The following SPANXN5 variants were observed in gnomAD, a reference collection of about 807,000 sequenced individuals.
SPANXN5 encodes sperm protein associated with the nucleus on the X chromosome N5.
Under a neutral mutation model 4.5 loss-of-function variants are expected in SPANXN5, and 5 were observed. The ratio of observed to expected loss-of-function variants is 1.11; its 90% CI spans 0.58 to 2.33. The LOEUF is 2.33. Ranked by LOEUF, SPANXN5 falls within the 30% of genes most tolerant of loss-of-function variation. The probability of loss-of-function intolerance (pLI) is 0.01; values close to 1 mark genes in which losing one functional copy is unlikely to be tolerated. For missense variants in SPANXN5, 41 were observed against 50.3 expected (o/e 0.82, Z 0.56); for synonymous variants, 20 against 20.4 (o/e 0.98, Z 0.05).
At chrX:52,796,779 G>C (rs1926578813) in intron 1 of SPANXN5, 148 bp from the exon 2 acceptor site, 2 of 778,603 alleles carry the variant, frequency 2.6e-6, no homozygotes, top group Admixed American at 6.1e-5. Flanking sequence ...ACAGGGTAGG[G>C]ATCTATGGGG....
In SPANXN5 at chrX:52,796,627, T is replaced by A. The variant is rs782114954; in HGVS notation, c.80A>T (p.Gln27Leu). 1.7e-6 allele frequency: 2 copies of A among 1,211,487 alleles called. No homozygotes were observed. Among genetic ancestry groups the A allele is most frequent in the Non-Finnish European group, 1.1e-6 (1 of 895,273 alleles). ...GACTAAGTCCCTGTTTGGTGTCTCC[T>A]GCATCTGTTAAGAAAACAGGGAGAG... ...CDSNSKNDEM[Q>L]ETPNRDLVLE... is the part of the protein sequence containing the mutation. Residue 27 changes from glutamine to leucine, a missense_variant, in exon 2 of 2, where the codon CAG (glutamine) becomes CTG (leucine). By Grantham distance (113) the Gln-to-Leu change is moderately radical. Coordinates refer to ENST00000375511, the MANE Select transcript of SPANXN5 (RefSeq NM_001009616.4).
intron 1 of SPANXN5, 64 bp downstream of exon 1, chrX:52,797,210 G>C: frequency 8.8e-7 from 1 of 1,131,945 alleles, no homozygotes; most frequent in Non-Finnish European, 1.2e-6. Flanking sequence ...TGCTGTTTGA[G>C]CTGCCCCCTC....
chrX:52,797,080 A>G (rs782718111), intron 1 of SPANXN5, among the ~76,000 whole-genome samples, 194 bp downstream of exon 1: 1 of 111,126 alleles, frequency 9.0e-6, no homozygotes, highest in African/African-American at 3.3e-5. Context: ...GCTGGGCAGC[A>G]AGCCATGCTG....
rs782027855 is a variant in SPANXN5 at position 52,797,280 on chromosome X, A to C, written c.69T>G (p.Asn23Lys). ...RKSPCDSNSK[N>K]DEMQETPNRD... ...CAAAACCTAACAATCTTACCTCATC[A>C]TTTTTGCTGTTGGAGTCACAGGGGC... Residue 23 changes from asparagine (N) to lysine (K), a missense_variant, in exon 1 of 2, where the codon AAT becomes AAG. Coordinates refer to ENST00000375511, the MANE Select transcript of SPANXN5 (RefSeq NM_001009616.4). 1 of 1,207,860 alleles carries C rather than the reference A, an allele frequency of 8.3e-7. No homozygotes were observed. The highest frequency in any genetic ancestry group is 1.8e-5 in the African/African-American group (1 of 56,662).
At position 52,796,295 on chromosome X, in the gene SPANXN5, C is replaced by T; in HGVS notation, c.*193G>A. On this transcript the variant is annotated 3_prime_UTR_variant, in exon 2 of 2. Transcript: ENST00000375511. ...TCTTCTTCCTCCATCAAAGATCCTT[C>T]AGATGAGTCTAGGTCTTCATCCTCT... The T allele has an allele frequency of 1.7e-6, 1 of 583,391 alleles. No homozygotes were observed. The highest frequency in any genetic ancestry group is 2.8e-6 in the Non-Finnish European group (1 of 363,307). The allele number at this position is 583,391 out of a possible 1,213,427, so 48.1% of individuals were successfully genotyped here. A position where few individuals can be genotyped will look rare whatever the true frequency, so the allele number is the denominator to read the frequency against.
Position 52,796,550 on chromosome X carries a change from CTA to C in SPANXN5, c.155_156del (p.Leu52CysfsTer8). On this transcript the variant is annotated frameshift_variant, in exon 2 of 2. Coordinates refer to ENST00000375511, the MANE Select transcript of SPANXN5 (RefSeq NM_001009616.4). LOFTEE classifies it high-confidence loss of function. ...KMKTSEYSTV[L>X]VLCYRKTKKI... ...TTCTTAGTCTTCCTGTAGCACAACA[CTA>C]ATACTGTTGAATATTCTGATGTTTT... 2 of 1,211,305 alleles carry C rather than the reference CTA, an allele frequency of 1.7e-6. No individual in the cohort carries two copies. Among genetic ancestry groups the C allele is most frequent in the Non-Finnish European group, 2.2e-6 (2 of 894,976 alleles).
At position 52,796,491 on chromosome X, in the gene SPANXN5, G is replaced by A. The variant is rs1200870975; in HGVS notation, c.216C>T (p.Ser72=). 16 of 1,208,229 alleles carry A rather than the reference G, an allele frequency of 1.3e-5. No homozygotes were observed. In the African/African-American group the frequency reaches 1.7e-4, roughly 13 times the overall value. ...GGACTGGATTGATGGAGTTCTCTCAGGACTGGTCATTCTCGAGTTGATTTG... is the reference window on the plus strand; with the variant it reads ...GGACTGGATTGATGGAGTTCTCTCAAGACTGGTCATTCTCGAGTTGATTTG... ...IHSNQLENDQ[S] The change falls in exon 2 of 2, where the codon TCC becomes TCT. Residue 72 remains serine, a synonymous_variant. Transcript: ENST00000375511.
Position 52,797,396 on chromosome X carries a change from A to G in SPANXN5, c.-48T>C. On this transcript the variant is annotated 5_prime_UTR_variant, in exon 1 of 2. Coordinates refer to ENST00000375511, the MANE Select transcript of SPANXN5 (RefSeq NM_001009616.4). ...TCTACAGCAGGATCTTGTAGAGTCC[A>G]GACTTCCACAGCTATATTGAAGCTT... The G allele has an allele frequency of 2.6e-6, 3 of 1,152,930 alleles. No homozygotes were observed. The highest frequency in any genetic ancestry group is 3.6e-6 in the Non-Finnish European group (3 of 844,009).
At chrX:52,797,112 C>G in intron 1 of SPANXN5, among the ~76,000 whole-genome samples, 162 bp downstream of exon 1, 1 of 111,378 alleles carries the variant, frequency 9.0e-6, no homozygotes, top group Non-Finnish European at 1.9e-5. Flanking sequence ...CCCACCCATA[C>G]CTGTAAGTAC....
chrX:52,796,419 G>GT lies in SPANXN5; in HGVS notation c.*68dup. 8.5e-7 allele frequency: 1 copy of GT among 1,171,044 alleles called. No individual in the cohort carries two copies. Among genetic ancestry groups the GT allele is most frequent in the Admixed American group, 2.3e-5 (1 of 43,987 alleles). On this transcript the variant is annotated 3_prime_UTR_variant, in exon 2 of 2. Coordinates refer to ENST00000375511, the MANE Select transcript of SPANXN5 (RefSeq NM_001009616.4). Reference sequence around the variant, plus strand: ...CCTGCTTTGAAGATTCTGCAGATGAGTCTAGGTCTTCGTCCTCCTGTGAGG... The same window carrying GT: ...CCTGCTTTGAAGATTCTGCAGATGAGTTCTAGGTCTTCGTCCTCCTGTGAGG...
Position 52,796,436 on chromosome X carries a change from C to T in SPANXN5, c.*52G>A. 1 of 1,193,105 alleles carries T rather than the reference C, an allele frequency of 8.4e-7. No homozygotes were observed. On this transcript the variant is annotated 3_prime_UTR_variant, in exon 2 of 2. Coordinates refer to ENST00000375511, the MANE Select transcript of SPANXN5 (RefSeq NM_001009616.4). ...GCAGATGAGTCTAGGTCTTCGTCCTCCTGTGAGGATCCTTCGTCCTCCTCC... is the reference window on the plus strand; with the variant it reads ...GCAGATGAGTCTAGGTCTTCGTCCTTCTGTGAGGATCCTTCGTCCTCCTCC...
chrX:52,797,078 G>A (rs6643562), intron 1 of SPANXN5, among the ~76,000 whole-genome samples, 196 bp downstream of exon 1: 41,847 of 109,886 alleles, frequency 0.38, 7,072 homozygotes, highest in Admixed American at 0.63. Flanking sequence ...CTGCTGGGCA[G>A]CAAGCCATGC....
intron 1 of SPANXN5, among the ~76,000 whole-genome samples, chrX:52,797,056 C>T (rs1263371209): frequency 4.5e-5 from 5 of 111,142 alleles, no homozygotes; most frequent in African/African-American, 9.8e-5. Context: ...ATAAGAACAT[C>T]TTATCAATAT....
Position 52,796,743 on chromosome X carries a change from G to T in SPANXN5, c.76-112C>A, listed in dbSNP as rs372104606. ...GGAATGCAGGTTGAGGAAGGGGTTC[G>T]ATCCAGAGAAGAACAAGGTTGACTC... On this transcript the variant is annotated intron_variant, in intron 1 of 1. Coordinates refer to ENST00000375511, the MANE Select transcript of SPANXN5 (RefSeq NM_001009616.4). 7.7e-5 allele frequency: 79 copies of T among 1,028,912 alleles called. 1 individual carries two copies. In the East Asian group the frequency reaches 1.2e-3, roughly 16 times the overall value. 84.8% of individuals were successfully genotyped at this position (1,028,912 alleles called of 1,213,427 possible).
rs927649742 is a variant in SPANXN5 at position 52,796,421 on chromosome X, C to G, written c.*67G>C. ...TGCTTTGAAGATTCTGCAGATGAGTCTAGGTCTTCGTCCTCCTGTGAGGAT... is the reference window on the plus strand; with the variant it reads ...TGCTTTGAAGATTCTGCAGATGAGTGTAGGTCTTCGTCCTCCTGTGAGGAT... On this transcript the variant is annotated 3_prime_UTR_variant, in exon 2 of 2. Coordinates refer to ENST00000375511, the MANE Select transcript of SPANXN5 (RefSeq NM_001009616.4). The G allele has an allele frequency of 8.5e-7, 1 of 1,175,783 alleles. No homozygotes were observed. The highest frequency in any genetic ancestry group is 1.1e-6 in the Non-Finnish European group (1 of 872,013).
At position 52,797,350 on chromosome X, in the gene SPANXN5, AT is replaced by A. The variant is rs1926590085; in HGVS notation, c.-3del. 8.3e-7 allele frequency: 1 copy of A among 1,210,114 alleles called. No homozygotes were observed. Among genetic ancestry groups the A allele is most frequent in the Non-Finnish European group, 1.1e-6 (1 of 894,679 alleles). On this transcript the variant is annotated 5_prime_UTR_variant, in exon 1 of 2. Coordinates refer to ENST00000375511, the MANE Select transcript of SPANXN5 (RefSeq NM_001009616.4). ...GGTGCTTGAAGTGGGCTTTTCCATG[AT>A]TCTGGTTGGTTGTTGAATGTCTACA...
chrX:52,796,458 C>T lies in SPANXN5; in HGVS notation c.*30G>A. On this transcript the variant is annotated 3_prime_UTR_variant, in exon 2 of 2. Coordinates refer to ENST00000375511, the MANE Select transcript of SPANXN5 (RefSeq NM_001009616.4). ...CCTCCTGTGAGGATCCTTCGTCCTC[C>T]TCCTCTTGGACTGGATTGATGGAGT... is the stretch of plus-strand genomic sequence containing the variant. The T allele has an allele frequency of 8.3e-7, 1 of 1,203,212 alleles. No individual in the cohort carries two copies. The highest frequency in any genetic ancestry group is 1.8e-5 in the South Asian group (1 of 55,218).
rs1556775838 is a variant in SPANXN5 at position 52,797,295 on chromosome X, G to A, written c.54C>T (p.Asp18=). Residue 18 remains aspartate (D), a synonymous_variant, in exon 1 of 2, where the codon GAC becomes GAT. Coordinates refer to ENST00000375511, the MANE Select transcript of SPANXN5 (RefSeq NM_001009616.4). ...TTACCTCATCATTTTTGCTGTTGGA[G>A]TCACAGGGGCTCTTCCTCTTCTCCC... ...TNGEKRKSPC[D]SNSKNDEMQE... 2.5e-6 allele frequency: 3 copies of A among 1,211,331 alleles called. No individual in the cohort carries two copies. Among genetic ancestry groups the A allele is most frequent in the Non-Finnish European group, 2.2e-6 (2 of 895,319 alleles).
Sources: gnomAD v4.1 joint callset for allele counts (sites outside exome capture counted in the v4.1 genomes callset) on GRCh38, gnomAD v4.1.1 for gene constraint, MANE v1.5 for transcripts, NCBI Gene and HGNC (gene_info 2026-07-23, HGNC 2026-07-21) for gene names.